Variants in RNF168 observed in about 807,000 individuals in gnomAD.
The protein encoded by RNF168 is E3 ubiquitin-protein ligase RNF168.
RNF168 carries 34 observed loss-of-function variants against 34.9 expected under a neutral mutation model. That is an observed-to-expected ratio of 0.97 (90% CI 0.74 to 1.30). RNF168 has a LOEUF of 1.30. RNF168 is among the 50% of genes most tolerant of loss of function. The pLI is 0.00. For missense variants in RNF168, 725 were observed against 682.5 expected, an observed-to-expected ratio of 1.06 and a Z score of -0.69; for synonymous variants, 264 against 254.7, an observed-to-expected ratio of 1.04 and a Z score of -0.35.
At position 196,472,033 on chromosome 3, in the gene RNF168, C is replaced by T. The variant is rs151173831; in HGVS notation, c.1502G>A (p.Arg501Lys). The part of the protein sequence containing the change: ...RKNPKDGNFK[R>K]QTHTKHPTPE... Reference sequence around the variant, plus strand: ...TGTTGGATGCTTTGTGTGAGTTTGCCTTTTGAAGTTCCCATCTTTGGGATT... The same window carrying T: ...TGTTGGATGCTTTGTGTGAGTTTGCTTTTTGAAGTTCCCATCTTTGGGATT... The change falls in exon 6 of 6, where the codon AGG becomes AAG. Residue 501 changes from arginine (R) to lysine (K), a missense_variant. Physicochemically the swap from Arg to Lys is conservative, Grantham distance 26. Coordinates refer to ENST00000318037, the MANE Select transcript of RNF168 (RefSeq NM_152617.4). 10 of 1,613,778 alleles carry T rather than the reference C, an allele frequency of 6.2e-6. No individual in the cohort carries two copies. The highest frequency in any genetic ancestry group is 7.6e-6 in the Non-Finnish European group (9 of 1,179,922).
At chr3:196,492,162 C>G (rs1016873534) in intron 1 of RNF168, among the ~76,000 whole-genome samples, 1 of 151,996 alleles carries the variant, frequency 6.6e-6, no homozygotes, top group Non-Finnish European at 1.5e-5. Flanking sequence ...TACAATAAAA[C>G]TGGAAAAAAA....
At chr3:196,500,386 A>G (rs1560277704) in intron 1 of RNF168, among the ~76,000 whole-genome samples, 1 of 152,212 alleles carries the variant, frequency 6.6e-6, no homozygotes, top group African/African-American at 2.4e-5. Flanking sequence ...TACGCTAGGT[A>G]AAACAGGCCA....
chr3:196,470,924 T>G lies in RNF168; in HGVS notation c.*895A>C, dbSNP rs1418077769. ...CGGGCGTGGTGGCTCACGCCTATAATCCCAGCACTCTGGGAGGCCGAAGCA... is the reference window on the plus strand; with the variant it reads ...CGGGCGTGGTGGCTCACGCCTATAAGCCCAGCACTCTGGGAGGCCGAAGCA... On this transcript the variant is annotated 3_prime_UTR_variant, in exon 6 of 6. Coordinates refer to ENST00000318037, the MANE Select transcript of RNF168 (RefSeq NM_152617.4). The G allele has an allele frequency of 1.3e-5, 2 of 151,314 alleles. No individual in the cohort carries two copies. Among genetic ancestry groups the G allele is most frequent in the African/African-American group, 4.9e-5 (2 of 40,974 alleles). 9.4% of individuals were successfully genotyped at this position (151,314 alleles called of 1,614,324 possible). A position where few individuals can be genotyped will look rare whatever the true frequency, so the allele number is the denominator to read the frequency against.
Position 196,488,602 on chromosome 3 carries a change from C to G in RNF168, c.378+5G>C. Reference sequence around the variant, plus strand: ...TTCCAAAAAAAAAAACTATTTAGCACCTACCTTGCTTATTTCCTCTTCATA... The same window carrying G: ...TTCCAAAAAAAAAAACTATTTAGCAGCTACCTTGCTTATTTCCTCTTCATA... On this transcript the variant is annotated splice_donor_5th_base_variant and intron_variant, in intron 2 of 5. Coordinates refer to ENST00000318037, the MANE Select transcript of RNF168 (RefSeq NM_152617.4). The G allele has an allele frequency of 6.4e-7, 1 of 1,561,922 alleles. No individual in the cohort carries two copies. The highest frequency in any genetic ancestry group is 1.1e-5 in the South Asian group (1 of 89,498).
chr3:196,480,341 G>C (rs1194156219), intron 4 of RNF168, among the ~76,000 whole-genome samples: 2 of 152,176 alleles, frequency 1.3e-5, no homozygotes, highest in African/African-American at 4.8e-5. Context: ...GAAATCATTG[G>C]TTTGAAAGTC....
chr3:196,475,496 T>G, intron 4 of RNF168, 184 bp from the exon 5 acceptor site: 3 of 588,986 alleles, frequency 5.1e-6, no homozygotes, highest in Non-Finnish European at 9.1e-6. Context: ...TGATTGAGTA[T>G]TGATATTTTA....
intron 4 of RNF168, among the ~76,000 whole-genome samples, chr3:196,476,564 T>G (rs992453514): frequency 4.7e-5 from 7 of 148,380 alleles, no homozygotes; most frequent in African/African-American, 1.7e-4. Flanking sequence ...TACAGGCATG[T>G]GCCACCACGT....
intron 5 of RNF168, 125 bp from the exon 6 acceptor site, chr3:196,472,897 ATTTCTTTC>A (rs561288876): frequency 3.3e-6 from 2 of 612,460 alleles, no homozygotes; most frequent in African/African-American, 1.8e-5. Context: ...TAAGGTATAT[ATTTCTTTC>A]TTTCTTTTCT....
At chr3:196,477,393 A>G (rs1199244965) in intron 4 of RNF168, among the ~76,000 whole-genome samples, 1 of 152,250 alleles carries the variant, frequency 6.6e-6, no homozygotes, top group Non-Finnish European at 1.5e-5. Context: ...CAAGTAGCAT[A>G]TGGAACAATC....
rs767464802 is a variant in RNF168 at position 196,483,881 on chromosome 3, C to A, written c.569G>T (p.Cys190Phe). The A allele has an allele frequency of 3.1e-6, 5 of 1,607,976 alleles. No homozygotes were observed. The African/African-American group carries it at 5.3e-5, about 17-fold the overall frequency. ...GGGAGAAGCCGAGATACTTCCCTCA[C>A]AGAAATTGTTCTTCAACAATAGAAA... ...RKLSIDINNF[C>F]EGSISASPLN... Residue 190 changes from cysteine (C) to phenylalanine (F), a missense_variant, in exon 4 of 6, where the codon TGT becomes TTT. By Grantham distance (205) the Cys-to-Phe change is radical (BLOSUM62 -2). Coordinates refer to ENST00000318037, the MANE Select transcript of RNF168 (RefSeq NM_152617.4).
chr3:196,475,022 A>G (rs1397049592), intron 5 of RNF168: 2 of 540,298 alleles, frequency 3.7e-6, no homozygotes, highest in South Asian at 2.1e-5. Flanking sequence ...TCTTAGAGAA[A>G]AACTTTGCTT....
intron 1 of RNF168, 114 bp from the exon 2 acceptor site, chr3:196,488,797 A>C: frequency 1.9e-6 from 1 of 538,922 alleles, no homozygotes; most frequent in Non-Finnish European, 3.4e-6. Context: ...CTGCAGCAAT[A>C]TCTCCTTTTG....
At position 196,469,428 on chromosome 3, in the gene RNF168, G is replaced by A. The variant is rs1204904443; in HGVS notation, c.*2391C>T. On this transcript the variant is annotated 3_prime_UTR_variant, in exon 6 of 6. Transcript: ENST00000318037. ...CATTGACATAGATGCCATCAGGTAT[G>A]CAAAGATTAACAAAATTCTATTACC... 6.6e-6 allele frequency: 1 copy of A among 152,108 alleles called. No homozygotes were observed. Among genetic ancestry groups the A allele is most frequent in the Non-Finnish European group, 1.5e-5 (1 of 68,022 alleles). The allele number at this position is 152,108 out of a possible 1,614,324, so 9.4% of individuals were successfully genotyped here. A position where few individuals can be genotyped will look rare whatever the true frequency, so the allele number is the denominator to read the frequency against.
Position 196,475,214 on chromosome 3 carries a change from C to A in RNF168, c.762+17G>T. ...AATGAACCAGCAAAACTCAGAACATCTTCAGTATCAACATACCTTAGATAC... is the reference window on the plus strand; with the variant it reads ...AATGAACCAGCAAAACTCAGAACATATTCAGTATCAACATACCTTAGATAC... On this transcript the variant is annotated intron_variant, in intron 5 of 5. Coordinates refer to ENST00000318037, the MANE Select transcript of RNF168 (RefSeq NM_152617.4). 8 of 1,416,320 alleles carry A rather than the reference C, an allele frequency of 5.6e-6. No individual in the cohort carries two copies. The highest frequency in any genetic ancestry group is 8.0e-6 in the Non-Finnish European group (8 of 999,306). The allele number at this position is 1,416,320 out of a possible 1,614,324, so 87.7% of individuals were successfully genotyped here. A position where few individuals can be genotyped will look rare whatever the true frequency, so the allele number is the denominator to read the frequency against.
At position 196,473,205 on chromosome 3, in the gene RNF168, A is replaced by G. The variant is rs565759106; in HGVS notation, c.763-433T>C. On this transcript the variant is annotated intron_variant, in intron 5 of 5. Coordinates refer to ENST00000318037, the MANE Select transcript of RNF168 (RefSeq NM_152617.4). ...TTCTTTCACCTTACAAAGGTCTGCC[A>G]GCATAGGGGTTTTTAACTCTTTTCT... is the stretch of plus-strand genomic sequence containing the variant. 3.3e-5 allele frequency among the ~76,000 whole-genome samples: 5 copies of G among 152,308 alleles called. No individual in the cohort carries two copies. The East Asian group carries it at 7.7e-4, about 23-fold the overall frequency.
chr3:196,500,695 A>C (rs555203094), intron 1 of RNF168, among the ~76,000 whole-genome samples: 1 of 152,270 alleles, frequency 6.6e-6, no homozygotes, highest in East Asian at 1.9e-4. Context: ...TTAAAATGGT[A>C]ATCTTGCTAT....
At chr3:196,479,036 C>A (rs1038844993) in intron 4 of RNF168, among the ~76,000 whole-genome samples, 3 of 139,416 alleles carry the variant, frequency 2.2e-5, no homozygotes, top group Non-Finnish European at 4.6e-5. Context: ...TTTGAGACGG[C>A]GTCTCACTCT....
At position 196,472,351 on chromosome 3, in the gene RNF168, A is replaced by C. The variant is rs1171179510; in HGVS notation, c.1184T>G (p.Phe395Cys). 3 of 1,614,060 alleles carry C rather than the reference A, an allele frequency of 1.9e-6. No individual in the cohort carries two copies. The highest frequency in any genetic ancestry group is 2.5e-6 in the Non-Finnish European group (3 of 1,179,972). The change falls in exon 6 of 6, where the codon TTT (phenylalanine) becomes TGT (cysteine). Residue 395 changes from phenylalanine (F) to cysteine (C), a missense_variant. Phe to Cys is a radical substitution (Grantham distance 205). Coordinates refer to ENST00000318037, the MANE Select transcript of RNF168 (RefSeq NM_152617.4). ...AAAGCATGGATCCTTGACTGCTTCA[A>C]AGGAAGATTCTTGGTTTTTTCTTTT... The part of the protein sequence containing the change: ...ISKRKNQESS[F>C]EAVKDPCFSA...
At chr3:196,500,520 C>T (rs1732853818) in intron 1 of RNF168, among the ~76,000 whole-genome samples, 1 of 152,014 alleles carries the variant, frequency 6.6e-6, no homozygotes, top group Non-Finnish European at 1.5e-5. Context: ...GAACGGTGAG[C>T]CTCAAGGGTG....
Sources: allele counts gnomAD v4.1 joint callset (sites outside exome capture counted in the v4.1 genomes callset), GRCh38; gene constraint gnomAD v4.1.1; transcripts MANE v1.5; gene names NCBI Gene and HGNC (gene_info 2026-07-23, HGNC 2026-07-21).